The following PPARGC1B variants were observed in gnomAD, a reference collection of about 807,000 sequenced individuals.
PPARGC1B encodes the protein PPARG coactivator 1 beta.
Under a neutral mutation model 101.6 loss-of-function variants are expected in PPARGC1B, and 34 were observed. The ratio of observed to expected loss-of-function variants is 0.33; its 90% CI spans 0.25 to 0.45. PPARGC1B has a LOEUF of 0.45. PPARGC1B is among the 20% of genes least tolerant of loss of function. The probability of loss-of-function intolerance (pLI) is 1.00; values close to 1 mark genes in which losing one functional copy is unlikely to be tolerated. For missense variants in PPARGC1B, 1,234 were observed against 1,317.6 expected, an observed-to-expected ratio of 0.94 and a Z score of 0.98; for synonymous variants, 548 against 539.3, an observed-to-expected ratio of 1.02 and a Z score of -0.22.
chr5:149,830,712 A>C (rs745705390), intron 3 of PPARGC1B, 55 bp from the exon 4 acceptor site: 6 of 1,347,986 alleles, frequency 4.5e-6, no homozygotes, highest in Non-Finnish European at 6.4e-6. Flanking sequence ...CATGCAGTCC[A>C]TGTCCTCTGG....
chr5:149,741,921 C>T (rs537900549), intron 1 of PPARGC1B, among the ~76,000 whole-genome samples: 24 of 152,220 alleles, frequency 1.6e-4, no homozygotes, highest in Non-Finnish European at 3.2e-4. Flanking sequence ...TGAGCCACCA[C>T]GCCTGGCATA....
intron 1 of PPARGC1B, among the ~76,000 whole-genome samples, chr5:149,769,323 A>T (rs926404863): frequency 6.6e-6 from 1 of 152,170 alleles, no homozygotes; most frequent in Non-Finnish European, 1.5e-5. Flanking sequence ...CAGGCCACGG[A>T]CTTGTACCGG....
intron 1 of PPARGC1B, among the ~76,000 whole-genome samples, chr5:149,806,761 C>T (rs938206868): frequency 6.6e-6 from 1 of 152,000 alleles, no homozygotes; most frequent in African/African-American, 2.4e-5. Context: ...GCACCCACCA[C>T]CATGCCCAGC....
At chr5:149,754,369 G>T (rs1404756356) in intron 1 of PPARGC1B, among the ~76,000 whole-genome samples, 2 of 152,240 alleles carry the variant, frequency 1.3e-5, no homozygotes, top group East Asian at 3.9e-4. Flanking sequence ...CTAGGGTCAG[G>T]GTCCAGACCT....
chr5:149,765,346 G>A (rs938496315), intron 1 of PPARGC1B, among the ~76,000 whole-genome samples: 1 of 152,154 alleles, frequency 6.6e-6, no homozygotes, highest in Non-Finnish European at 1.5e-5. Flanking sequence ...CCAGGACCCC[G>A]AGCTCAGGCC....
chr5:149,773,481 A>G (rs1196664595), intron 1 of PPARGC1B, among the ~76,000 whole-genome samples: 1 of 151,928 alleles, frequency 6.6e-6, no homozygotes, highest in Non-Finnish European at 1.5e-5. Flanking sequence ...GGCAGCGTCT[A>G]CTCTTAGGTG....
intron 10 of PPARGC1B, among the ~76,000 whole-genome samples, chr5:149,844,546 T>C (rs1203867040): frequency 1.3e-5 from 2 of 152,148 alleles, no homozygotes; most frequent in East Asian, 3.9e-4. Flanking sequence ...GGCTGAGGCA[T>C]AAGAATCGCT....
In PPARGC1B at chr5:149,743,312, C is replaced by T. The variant is rs774081042; in HGVS notation, c.78+12892C>T. On this transcript the variant is annotated intron_variant, in intron 1 of 11. Transcript: ENST00000309241. ...CTGGGATTACAGACGCCCACCACCA[C>T]GCCTGGCTAATTTTTGTATTTTTAG... is the stretch of plus-strand genomic sequence containing the variant. 3.7e-4 allele frequency among the ~76,000 whole-genome samples: 56 copies of T among 152,050 alleles called. 1 individual carries two copies. The highest frequency in any genetic ancestry group is 2.1e-4 in the South Asian group (1 of 4,802).
At chr5:149,815,403 C>T (rs1758015282) in intron 1 of PPARGC1B, among the ~76,000 whole-genome samples, 1 of 152,128 alleles carries the variant, frequency 6.6e-6, no homozygotes, top group East Asian at 1.9e-4. Flanking sequence ...AGAAAATGGT[C>T]ATGTACAAGC....
Position 149,836,670 on chromosome 5 carries a change from G to C in PPARGC1B, c.2215G>C (p.Glu739Gln). The change falls in exon 8 of 12, where the codon GAA (glutamate) becomes CAA (glutamine). Residue 739 changes from glutamate (E) to glutamine (Q), a missense_variant. By Grantham distance (29) the Glu-to-Gln change is conservative. Around this residue, in one of 3 missense-constraint regions of PPARGC1B, gnomAD observed 497 missense variants for 529.5 expected, o/e 0.94. Transcript: ENST00000309241. ...WAEAQAPGRE[E>Q]DRSCDAGAPP... is the part of the protein sequence containing the mutation. ...TGAGGCACAGGCCCCTGGCAGGGAG[G>C]AAGACAGAAGCTGTGATGCTGGCGC... 1 of 1,613,784 alleles carries C rather than the reference G, an allele frequency of 6.2e-7. No individual in the cohort carries two copies. The highest frequency in any genetic ancestry group is 8.5e-7 in the Non-Finnish European group (1 of 1,180,020).
chr5:149,812,052 A>G (rs1480777996), intron 1 of PPARGC1B, among the ~76,000 whole-genome samples: 2 of 152,226 alleles, frequency 1.3e-5, no homozygotes, highest in African/African-American at 4.8e-5. Context: ...TACTTGGCTA[A>G]GGCTTGGAGC....
At chr5:149,822,885 C>T (rs944967315) in intron 2 of PPARGC1B, among the ~76,000 whole-genome samples, 5 of 151,968 alleles carry the variant, frequency 3.3e-5, no homozygotes, top group Non-Finnish European at 7.3e-5. Context: ...AGTCCCCCTT[C>T]TGGCACTAAC....
chr5:149,747,912 C>T (rs769947364), intron 1 of PPARGC1B, among the ~76,000 whole-genome samples: 7 of 152,132 alleles, frequency 4.6e-5, no homozygotes, highest in Admixed American at 6.5e-5. Flanking sequence ...GAGGCTAGAG[C>T]AGGCCCAGGT....
In PPARGC1B at chr5:149,836,310, C is replaced by A. The variant is rs773499548; in HGVS notation, c.1855C>A (p.Pro619Thr). 1.2e-5 allele frequency: 19 copies of A among 1,610,620 alleles called. 1 individual carries two copies. Among genetic ancestry groups the A allele is most frequent in the South Asian group, 1.1e-5 (1 of 90,660 alleles). The change falls in exon 8 of 12, where the codon CCC (proline) becomes ACC (threonine). Residue 619 changes from proline to threonine, a missense_variant. Coordinates refer to ENST00000309241, the MANE Select transcript of PPARGC1B (RefSeq NM_133263.4). ...TPPYKPTEEDPFKPDIKHSLG... is the reference protein window; with the variant it reads ...TPPYKPTEEDTFKPDIKHSLG... ...ACCGTACAAGCCCACAGAGGAGGATCCCTTCAAACCAGACATCAAGCATAG... is the reference window on the plus strand; with the variant it reads ...ACCGTACAAGCCCACAGAGGAGGATACCTTCAAACCAGACATCAAGCATAG...
intron 10 of PPARGC1B, among the ~76,000 whole-genome samples, chr5:149,843,387 T>TACA (rs1759426582): frequency 6.6e-6 from 1 of 152,166 alleles, no homozygotes; most frequent in African/African-American, 2.4e-5. Context: ...TACATTCTAA[T>TACA]ACAATAATAA....
At chr5:149,751,399 A>G (rs561448460) in intron 1 of PPARGC1B, among the ~76,000 whole-genome samples, 1 of 152,314 alleles carries the variant, frequency 6.6e-6, no homozygotes, top group Admixed American at 6.5e-5. Context: ...CAAATAGGTA[A>G]GAGAAAGTAA....
At chr5:149,755,615 G>GTTATTATTA (rs142788730) in intron 1 of PPARGC1B, among the ~76,000 whole-genome samples, 2 of 137,144 alleles carry the variant, frequency 1.5e-5, no homozygotes, top group African/African-American at 2.7e-5. Flanking sequence ...TATTATTATT[G>GTTATTATTA]TTATTATTAT....
At chr5:149,755,515 A>T (rs984792629) in intron 1 of PPARGC1B, among the ~76,000 whole-genome samples, 3 of 152,074 alleles carry the variant, frequency 2.0e-5, no homozygotes, top group African/African-American at 7.2e-5. Flanking sequence ...TGGACTGTGG[A>T]CTTAGCCTTT....
chr5:149,739,284 T>A (rs1043460364), intron 1 of PPARGC1B, among the ~76,000 whole-genome samples: 2 of 152,238 alleles, frequency 1.3e-5, no homozygotes, highest in African/African-American at 4.8e-5. Flanking sequence ...TTTCGTTGTG[T>A]ATCTGTGAAG....
Sources: allele counts gnomAD v4.1 joint callset (sites outside exome capture counted in the v4.1 genomes callset), GRCh38; gene constraint gnomAD v4.1.1; regional missense constraint gnomAD v4.1.1; transcripts MANE v1.5; gene names NCBI Gene and HGNC (gene_info 2026-07-23, HGNC 2026-07-21).